CAST: variants seen among roughly 807,000 people sequenced by gnomAD.
The protein encoded by CAST is MIR583 host.
A neutral mutation model predicts 119.6 loss-of-function variants in CAST; 76 were observed. The ratio of observed to expected loss-of-function variants is 0.64; its 90% CI spans 0.53 to 0.77. The LOEUF is 0.77. CAST is among the 30% of genes least tolerant of loss of function. CAST has a pLI of 0.00. For synonymous variants in CAST, 319 were observed against 331.6 expected (o/e 0.96, Z 0.41); for missense variants, 953 against 946.5 (o/e 1.01, Z -0.09).
chr5:96,076,842 A>T, the CAST span, among the ~76,000 whole-genome samples: 1 of 152,030 alleles, frequency 6.6e-6, no homozygotes, highest in African/African-American at 2.4e-5. Flanking sequence ...ATTATTTTTA[A>T]TAAATATCAA....
intron 1 of CAST, among the ~76,000 whole-genome samples, chr5:96,609,602 C>A (rs1747323397): frequency 6.6e-6 from 1 of 152,194 alleles, no homozygotes. Context: ...CAGTAAACAT[C>A]AGCTGTTGGT....
At chr5:96,676,783 G>A (rs1287130329) in intron 2 of CAST, among the ~76,000 whole-genome samples, 1 of 151,514 alleles carries the variant, frequency 6.6e-6, no homozygotes, top group Non-Finnish European at 1.5e-5. Flanking sequence ...AGCCAGGCAC[G>A]GTGGCTCATG....
At chr5:96,339,955 G>A in the CAST span, among the ~76,000 whole-genome samples, 1 of 152,162 alleles carries the variant, frequency 6.6e-6, no homozygotes, top group Non-Finnish European at 1.5e-5. Flanking sequence ...CTTGAGCTCT[G>A]TGGGTTAGGA....
At chr5:96,508,978 A>G in the CAST span, among the ~76,000 whole-genome samples, 1 of 152,174 alleles carries the variant, frequency 6.6e-6, no homozygotes, top group African/African-American at 2.4e-5. Flanking sequence ...TCTATTTCAG[A>G]TGGTTGTTTT....
chr5:96,178,842 G>A, the CAST span, among the ~76,000 whole-genome samples: 2 of 152,106 alleles, frequency 1.3e-5, no homozygotes, highest in Non-Finnish European at 2.9e-5. Flanking sequence ...CTCTCAACTT[G>A]GACATTTTAC....
At chr5:96,231,148 T>C in the CAST span, among the ~76,000 whole-genome samples, 1 of 152,052 alleles carries the variant, frequency 6.6e-6, no homozygotes, top group African/African-American at 2.4e-5. Context: ...CCCAAGAGAA[T>C]TGAAAACATG....
the CAST span, among the ~76,000 whole-genome samples, chr5:96,307,941 C>T: frequency 6.6e-6 from 1 of 152,106 alleles, no homozygotes; most frequent in Admixed American, 6.5e-5. Flanking sequence ...TGGGATTGCT[C>T]TTCTTGAAGA....
the CAST span, among the ~76,000 whole-genome samples, chr5:96,184,518 C>T: frequency 6.6e-6 from 1 of 152,130 alleles, no homozygotes; most frequent in Non-Finnish European, 1.5e-5. Flanking sequence ...TGACACCACC[C>T]CAACAGGCCC....
chr5:96,090,061 A>C, the CAST span, among the ~76,000 whole-genome samples: 1 of 152,162 alleles, frequency 6.6e-6, no homozygotes. Context: ...AAAGAGATTA[A>C]TAGTATCTCA....
the CAST span, among the ~76,000 whole-genome samples, chr5:96,157,149 G>A: frequency 6.6e-6 from 1 of 152,082 alleles, no homozygotes; most frequent in Non-Finnish European, 1.5e-5. Context: ...TTAAAACAAT[G>A]TATTCCCTGT....
the CAST span, among the ~76,000 whole-genome samples, chr5:96,367,628 G>A: frequency 5.2e-4 from 79 of 152,214 alleles, 1 homozygote; most frequent in Admixed American, 1.5e-3. Context: ...CGTGCCAGGC[G>A]CGGGATATAA....
the CAST span, among the ~76,000 whole-genome samples, chr5:95,969,772 C>T: frequency 3.9e-5 from 6 of 152,054 alleles, no homozygotes; most frequent in African/African-American, 1.4e-4. Context: ...GGAGAAAGAC[C>T]TTGTTTAGGT....
rs528889566 is a variant in CAST at position 96,547,625 on chromosome 5, C to A, written c.60+17745C>A. Among the ~76,000 whole-genome samples the A allele has an allele frequency of 2.0e-5, 3 of 152,348 alleles. No individual in the cohort carries two copies. The South Asian group carries it at 6.2e-4, about 32-fold the overall frequency. On this transcript the variant is annotated intron_variant, in intron 1 of 11. Transcript: ENST00000505143. ...AACAATGTTTCACCAGCTGCCTTGA[C>A]AACTTTTAACTCGGAGTAGTTGACA...
the CAST span, among the ~76,000 whole-genome samples, chr5:96,249,855 T>C: frequency 6.6e-6 from 1 of 152,192 alleles, no homozygotes; most frequent in East Asian, 1.9e-4. Flanking sequence ...TTTAATCTCC[T>C]CTACCATATT....
At chr5:96,671,658 A>G (rs1222655718) in intron 1 of CAST, among the ~76,000 whole-genome samples, 2 of 152,230 alleles carry the variant, frequency 1.3e-5, no homozygotes, top group Non-Finnish European at 2.9e-5. Flanking sequence ...AGCACAGAGC[A>G]GATGCTTAGG....
intron 3 of CAST, among the ~76,000 whole-genome samples, chr5:96,720,279 G>T (rs1004075523): frequency 1.3e-5 from 2 of 152,180 alleles, no homozygotes; most frequent in African/African-American, 2.4e-5. Flanking sequence ...TCTCTTTGAA[G>T]ATCTATGGAT....
At chr5:96,368,774 T>G in the CAST span, among the ~76,000 whole-genome samples, 1 of 152,104 alleles carries the variant, frequency 6.6e-6, no homozygotes, top group Non-Finnish European at 1.5e-5. Context: ...TCTATTACTT[T>G]TCTGAAAAGT....
At chr5:96,352,070 G>A in the CAST span, among the ~76,000 whole-genome samples, 7 of 152,120 alleles carry the variant, frequency 4.6e-5, no homozygotes, top group Non-Finnish European at 1.0e-4. Flanking sequence ...TATTAGAGAG[G>A]TCTATCAGAT....
the CAST span, among the ~76,000 whole-genome samples, chr5:96,422,272 GA>G: frequency 6.6e-6 from 1 of 152,102 alleles, no homozygotes; most frequent in Non-Finnish European, 1.5e-5. Flanking sequence ...TCAGTTTTCA[GA>G]TGAGAAAATT....
Sources: gnomAD v4.1 joint callset for allele counts (sites outside exome capture counted in the v4.1 genomes callset) on GRCh38, gnomAD v4.1.1 for gene constraint, MANE v1.5 for transcripts, NCBI Gene and HGNC (gene_info 2026-07-23, HGNC 2026-07-21) for gene names.